The following CCSER1 variants were observed in gnomAD, a reference collection of about 807,000 sequenced individuals.
CCSER1 encodes coiled-coil serine rich protein 1.
Under a neutral mutation model 82.0 loss-of-function variants are expected in CCSER1, and 41 were observed. The ratio of observed to expected loss-of-function variants is 0.50; its 90% CI spans 0.39 to 0.65. CCSER1 has a LOEUF of 0.65. Among genes scored for constraint, CCSER1 ranks in the 30% least tolerant of loss-of-function variants. The probability of loss-of-function intolerance (pLI) is 0.00; values close to 1 mark genes in which losing one functional copy is unlikely to be tolerated. For missense variants in CCSER1, 1,119 were observed against 1,064.2 expected (o/e 1.05, Z -0.72); for synonymous variants, 414 against 383.9 (o/e 1.08, Z -0.92).
intron 3 of CCSER1, among the ~76,000 whole-genome samples, chr4:90,323,738 A>G (rs1440224990): frequency 2.0e-5 from 3 of 152,056 alleles, no homozygotes; most frequent in Non-Finnish European, 4.4e-5. Context: ...TTACATATGT[A>G]TACATGTGCC....
intron 5 of CCSER1, among the ~76,000 whole-genome samples, chr4:90,618,890 C>T (rs1260819813): frequency 4.6e-5 from 7 of 151,652 alleles, no homozygotes; most frequent in Admixed American, 6.6e-5. Context: ...AATGAATTAT[C>T]TTATATATTT....
intron 9 of CCSER1, among the ~76,000 whole-genome samples, chr4:91,056,094 T>C (rs1319408868): frequency 6.6e-6 from 1 of 152,152 alleles, no homozygotes; most frequent in Non-Finnish European, 1.5e-5. Flanking sequence ...CATGTAGTTT[T>C]CCTGAAATTC....
chr4:90,943,560 G>C (rs1320940026), intron 9 of CCSER1, among the ~76,000 whole-genome samples: 1 of 151,608 alleles, frequency 6.6e-6, no homozygotes, highest in Non-Finnish European at 1.5e-5. Context: ...GACAGGAGGC[G>C]GAGACAGAAA....
intron 10 of CCSER1, among the ~76,000 whole-genome samples, chr4:91,557,496 T>A (rs1395538458): frequency 6.6e-6 from 1 of 151,514 alleles, no homozygotes. Context: ...AGAGAATTGA[T>A]ACATAAATAA....
intron 10 of CCSER1, among the ~76,000 whole-genome samples, chr4:91,314,848 A>C (rs2149257573): frequency 6.6e-6 from 1 of 152,056 alleles, no homozygotes; most frequent in East Asian, 1.9e-4. Context: ...ATTGTAGTTA[A>C]GATTCCCTCA....
At chr4:91,271,101 T>A (rs1164006338) in intron 10 of CCSER1, among the ~76,000 whole-genome samples, 2 of 151,804 alleles carry the variant, frequency 1.3e-5, no homozygotes, top group Admixed American at 1.3e-4. Context: ...ATTCATTGTC[T>A]TAAGTAATAG....
At chr4:91,381,526 T>C (rs901534887) in intron 10 of CCSER1, among the ~76,000 whole-genome samples, 1 of 152,236 alleles carries the variant, frequency 6.6e-6, no homozygotes, top group Non-Finnish European at 1.5e-5. Context: ...TTTCTTCCCA[T>C]TGATCAAATC....
intron 9 of CCSER1, among the ~76,000 whole-genome samples, chr4:91,068,774 T>C (rs1239714784): frequency 1.3e-5 from 2 of 152,222 alleles, no homozygotes; most frequent in Non-Finnish European, 2.9e-5. Context: ...AAGAAAAGCA[T>C]TGAGACTCCA....
chr4:91,051,025 A>G (rs1742964287), intron 9 of CCSER1, among the ~76,000 whole-genome samples: 1 of 152,162 alleles, frequency 6.6e-6, no homozygotes, highest in Non-Finnish European at 1.5e-5. Flanking sequence ...ATTTCATGCC[A>G]TATATGAGTA....
chr4:90,475,891 C>A (rs1390719749), intron 5 of CCSER1, among the ~76,000 whole-genome samples: 1 of 152,168 alleles, frequency 6.6e-6, no homozygotes, highest in East Asian at 1.9e-4. Context: ...CCACTACCCG[C>A]TACCTTTCAC....
intron 10 of CCSER1, among the ~76,000 whole-genome samples, chr4:91,344,921 A>C (rs1368014978): frequency 6.6e-6 from 1 of 152,222 alleles, no homozygotes; most frequent in East Asian, 1.9e-4. Flanking sequence ...CATTAGACAG[A>C]CTTCATAAAT....
chr4:90,311,101 C>T (rs1240608227), intron 2 of CCSER1, among the ~76,000 whole-genome samples: 1 of 151,748 alleles, frequency 6.6e-6, no homozygotes, highest in Non-Finnish European at 1.5e-5. Flanking sequence ...TTCATATAGT[C>T]CTTATAAAAA....
intron 1 of CCSER1, among the ~76,000 whole-genome samples, chr4:90,269,543 G>A (rs1025190120): frequency 3.3e-5 from 5 of 151,618 alleles, no homozygotes; most frequent in Non-Finnish European, 7.4e-5. Context: ...AGTACAAAAA[G>A]GAATTTTATA....
At chr4:90,786,805 A>G (rs1490215443) in intron 7 of CCSER1, among the ~76,000 whole-genome samples, 1 of 152,192 alleles carries the variant, frequency 6.6e-6, no homozygotes, top group Admixed American at 6.5e-5. Flanking sequence ...ATCTTCCTGA[A>G]GATACTGTCA....
chr4:90,387,017 C>T (rs975584419), intron 3 of CCSER1, among the ~76,000 whole-genome samples: 7 of 151,984 alleles, frequency 4.6e-5, no homozygotes, highest in African/African-American at 1.7e-4. Context: ...GAACTTAGTA[C>T]TATCCTAGTT....
chr4:91,164,124 G>T (rs1443932402), intron 10 of CCSER1, among the ~76,000 whole-genome samples: 1 of 152,106 alleles, frequency 6.6e-6, no homozygotes, highest in East Asian at 1.9e-4. Context: ...AGGCAGGCCT[G>T]GTGGTGACAA....
At chr4:90,481,099 T>C (rs941331523) in intron 5 of CCSER1, among the ~76,000 whole-genome samples, 5 of 152,216 alleles carry the variant, frequency 3.3e-5, no homozygotes, top group African/African-American at 1.2e-4. Context: ...TTCACATCCC[T>C]TGTAAGTTGG....
At chr4:91,455,131 G>A (rs534944483) in intron 10 of CCSER1, among the ~76,000 whole-genome samples, 11 of 152,144 alleles carry the variant, frequency 7.2e-5, no homozygotes, top group African/African-American at 1.7e-4. Context: ...TTCATGGAGG[G>A]AAAGAGAGAA....
At chr4:91,143,061 G>A in intron 10 of CCSER1, among the ~76,000 whole-genome samples, 1 of 152,038 alleles carries the variant, frequency 6.6e-6, no homozygotes, top group Non-Finnish European at 1.5e-5. Context: ...TCTGTAGATT[G>A]CTTTGGGCAG....
Sources: gnomAD v4.1 joint callset for allele counts (sites outside exome capture counted in the v4.1 genomes callset) on GRCh38, gnomAD v4.1.1 for gene constraint, MANE v1.5 for transcripts, NCBI Gene and HGNC (gene_info 2026-07-23, HGNC 2026-07-21) for gene names.